Variants in CSMD1 observed in about 807,000 individuals in gnomAD.
The protein encoded by CSMD1 is CUB and sushi domain-containing protein 1.
In CSMD1, 213 loss-of-function variants were observed where a neutral mutation model predicts 417.5. The ratio of observed to expected loss-of-function variants is 0.51; its 90% CI spans 0.46 to 0.57. The LOEUF (loss-of-function observed/expected upper bound fraction) is 0.57. Ranked by LOEUF, CSMD1 falls within the 20% of genes least tolerant of loss-of-function variation. CSMD1 has a pLI of 0.00. For synonymous variants in CSMD1, 2,862 were observed against 1,736.8 expected (o/e 1.65, Z -16.11); for missense variants, 6,923 against 4,529.7 (o/e 1.53, Z -15.17).
At chr8:3,003,534 T>C (rs1218462641) in intron 52 of CSMD1, among the ~76,000 whole-genome samples, 1 of 152,250 alleles carries the variant, frequency 6.6e-6, no homozygotes, top group Non-Finnish European at 1.5e-5. Flanking sequence ...TCCTTTACAT[T>C]GTCTCCTATG....
At chr8:3,771,872 T>A (rs1429240504) in intron 5 of CSMD1, among the ~76,000 whole-genome samples, 1 of 152,022 alleles carries the variant, frequency 6.6e-6, no homozygotes, top group African/African-American at 2.4e-5. Flanking sequence ...CACTTTTGAA[T>A]CTGCCACAGT....
intron 2 of CSMD1, among the ~76,000 whole-genome samples, chr8:4,560,972 G>A (rs1412048698): frequency 1.3e-5 from 2 of 152,184 alleles, no homozygotes; most frequent in East Asian, 1.9e-4. Flanking sequence ...GTCTTCCACT[G>A]TTCTAAATAT....
chr8:3,409,350 G>A lies in CSMD1; in HGVS notation c.1744+73C>T, dbSNP rs540329804. ...TGCCCTCCCTAAATGGGCGGTCTGTGTCTTTCTCCTTTTCTCCCCTTGCAA... is the reference window on the plus strand; with the variant it reads ...TGCCCTCCCTAAATGGGCGGTCTGTATCTTTCTCCTTTTCTCCCCTTGCAA... On this transcript the variant is annotated intron_variant, in intron 13 of 69. Coordinates refer to ENST00000635120, the MANE Select transcript of CSMD1 (RefSeq NM_033225.6). 5 of 1,376,118 alleles carry A rather than the reference G, an allele frequency of 3.6e-6. No homozygotes were observed. The East Asian group carries it at 7.9e-5, about 22-fold the overall frequency. The allele number at this position is 1,376,118 out of a possible 1,614,324, so 85.2% of individuals were successfully genotyped here.
At chr8:3,544,613 G>C (rs1798582783) in intron 10 of CSMD1, among the ~76,000 whole-genome samples, 1 of 152,056 alleles carries the variant, frequency 6.6e-6, no homozygotes, top group African/African-American at 2.4e-5. Flanking sequence ...AGTAACAAAG[G>C]CGGGGGCCCT....
At chr8:3,436,347 A>G (rs1037137106) in intron 12 of CSMD1, among the ~76,000 whole-genome samples, 2 of 152,214 alleles carry the variant, frequency 1.3e-5, no homozygotes, top group African/African-American at 2.4e-5. Flanking sequence ...GACAGGTTAT[A>G]TATTACTATT....
chr8:3,778,426 C>T (rs1389416658), intron 5 of CSMD1, among the ~76,000 whole-genome samples: 1 of 152,204 alleles, frequency 6.6e-6, no homozygotes, highest in Non-Finnish European at 1.5e-5. Flanking sequence ...CTTAAATGAT[C>T]TCTTTCCACT....
chr8:4,443,558 T>C (rs1450629794), intron 2 of CSMD1, among the ~76,000 whole-genome samples: 2 of 152,220 alleles, frequency 1.3e-5, no homozygotes, highest in African/African-American at 4.8e-5. Context: ...CAGCCACGTG[T>C]GGCTCAAGAC....
intron 26 of CSMD1, among the ~76,000 whole-genome samples, chr8:3,238,982 G>T (rs1272028926): frequency 6.6e-6 from 1 of 152,050 alleles, no homozygotes; most frequent in African/African-American, 2.4e-5. Flanking sequence ...AGTTTTTTGG[G>T]GCACAGTCAA....
At chr8:4,289,435 A>T (rs1797239716) in intron 3 of CSMD1, among the ~76,000 whole-genome samples, 2 of 151,470 alleles carry the variant, frequency 1.3e-5, no homozygotes, top group Admixed American at 6.6e-5. Context: ...TATTTTTTGC[A>T]CAAACACTCT....
Position 3,320,868 on chromosome 8 carries a change from G to A in CSMD1, c.3632-12365C>T, listed in dbSNP as rs78769520. Among the ~76,000 whole-genome samples the A allele has an allele frequency of 2.3e-3, 353 of 152,258 alleles. 2 individuals are homozygous for A. Among genetic ancestry groups the A allele is most frequent in the Middle Eastern group, 6.8e-3 (2 of 294 alleles). On this transcript the variant is annotated intron_variant, in intron 23 of 69. Coordinates refer to ENST00000635120, the MANE Select transcript of CSMD1 (RefSeq NM_033225.6). ...TATGGGGATACAACGCCTGCTTGCC[G>A]CACACTTTTGCCCCTGACATGCATA...
intron 1 of CSMD1, among the ~76,000 whole-genome samples, chr8:4,914,673 T>C (rs1805933694): frequency 6.6e-6 from 1 of 151,868 alleles, no homozygotes; most frequent in South Asian, 2.1e-4. Flanking sequence ...GTTTGGACAC[T>C]AATCCGTGAA....
intron 15 of CSMD1, among the ~76,000 whole-genome samples, chr8:3,401,495 A>C (rs9969528): frequency 0.49 from 73,825 of 151,888 alleles, 18,763 homozygotes; most frequent in Middle Eastern, 0.59. Context: ...CAAAATTTAC[A>C]CTAAAATAAT....
intron 5 of CSMD1, among the ~76,000 whole-genome samples, chr8:3,857,284 C>T (rs1270101798): frequency 6.6e-6 from 1 of 151,926 alleles, no homozygotes; most frequent in Non-Finnish European, 1.5e-5. Context: ...TTAAACTGGG[C>T]CTTTAGCATT....
chr8:4,994,301 G>A (rs548109014), intron 1 of CSMD1, 31 bp downstream of exon 1: 1 of 1,597,152 alleles, frequency 6.3e-7, no homozygotes, highest in Non-Finnish European at 8.5e-7. Flanking sequence ...GGGCTCTACC[G>A]CCTCCCCGGC....
chr8:3,823,359 G>A (rs557832964), intron 5 of CSMD1, among the ~76,000 whole-genome samples: 1 of 152,156 alleles, frequency 6.6e-6, no homozygotes, highest in Non-Finnish European at 1.5e-5. Context: ...TTTTAATCCC[G>A]GTTGCATTAT....
intron 2 of CSMD1, among the ~76,000 whole-genome samples, chr8:4,462,609 ATCATGAT>A (rs1342844200): frequency 6.6e-6 from 1 of 152,198 alleles, no homozygotes; most frequent in Non-Finnish European, 1.5e-5. Context: ...AACCGCATTG[ATCATGAT>A]TCCATTATGC....
At chr8:4,833,735 A>C (rs1169777170) in intron 1 of CSMD1, among the ~76,000 whole-genome samples, 1 of 152,216 alleles carries the variant, frequency 6.6e-6, no homozygotes, top group Non-Finnish European at 1.5e-5. Flanking sequence ...CTATTTAAAG[A>C]AACTCCTGAT....
intron 2 of CSMD1, among the ~76,000 whole-genome samples, chr8:4,436,767 T>G (rs1035174827): frequency 2.0e-5 from 3 of 152,196 alleles, no homozygotes; most frequent in African/African-American, 7.2e-5. Context: ...AGTGATCATG[T>G]GATATTTCTC....
At chr8:3,654,597 C>A (rs968643881) in intron 7 of CSMD1, among the ~76,000 whole-genome samples, 2 of 152,152 alleles carry the variant, frequency 1.3e-5, no homozygotes, top group African/African-American at 4.8e-5. Context: ...TACTCAAAGA[C>A]CTCCCATATC....
Sources: allele counts gnomAD v4.1 joint callset (sites outside exome capture counted in the v4.1 genomes callset), GRCh38; gene constraint gnomAD v4.1.1; transcripts MANE v1.5; gene names NCBI Gene and HGNC (gene_info 2026-07-23, HGNC 2026-07-21).